The following MARCO variants were observed in gnomAD, a reference collection of about 807,000 sequenced individuals.
The protein encoded by MARCO is macrophage receptor MARCO.
MARCO carries 72 observed loss-of-function variants against 70.0 expected under a neutral mutation model. The ratio of observed to expected loss-of-function variants is 1.03; its 90% CI spans 0.85 to 1.25. The LOEUF is 1.25. Among genes scored for constraint, MARCO ranks in the 50% most tolerant of loss-of-function variants. The pLI, the probability that MARCO is intolerant of heterozygous loss-of-function variation, is 0.00. For missense variants in MARCO, 696 were observed against 659.3 expected (o/e 1.06, Z -0.61); for synonymous variants, 273 against 243.1 (o/e 1.12, Z -1.14).
chr2:118,942,521 C>A (rs1242068052), intron 1 of MARCO, 124 bp downstream of exon 1: 3 of 687,376 alleles, frequency 4.4e-6, no homozygotes, highest in East Asian at 2.8e-5. Flanking sequence ...TGCACGTAAT[C>A]ATCACTAATA....
rs766867777 is a variant in MARCO at position 118,974,430 on chromosome 2, T to G, written c.558T>G (p.Asp186Glu). 6.2e-7 allele frequency: 1 copy of G among 1,612,954 alleles called. No homozygotes were observed. Among genetic ancestry groups the G allele is most frequent in the Non-Finnish European group, 8.5e-7 (1 of 1,179,610 alleles). ...EKGAKGAMGR[D>E]GATGPSGPQG... is the part of the protein sequence containing the mutation. ...GAGCCAAGGGGGCTATGGGACGAGATGGAGCAACAGGTACGGGTCTTTTTC... is the reference window on the plus strand; with the variant it reads ...GAGCCAAGGGGGCTATGGGACGAGAGGGAGCAACAGGTACGGGTCTTTTTC... Residue 186 changes from aspartate to glutamate, a missense_variant, in exon 5 of 17, where the codon GAT becomes GAG. Physicochemically the swap from Asp to Glu is conservative, Grantham distance 45. Transcript: ENST00000327097.
At chr2:118,957,940 A>C (rs1357221908) in intron 1 of MARCO, among the ~76,000 whole-genome samples, 1 of 152,152 alleles carries the variant, frequency 6.6e-6, no homozygotes, top group Non-Finnish European at 1.5e-5. Flanking sequence ...GCATTCAATA[A>C]AATCCAGCAT....
In MARCO at chr2:118,994,528, AC is replaced by A. The variant is rs1190102237; in HGVS notation, c.*11del. ...GTGGAGTGCAGCGTCTGACCCGGAAACCCTTTCACTTCTCTGCTCCCGAGGT... is the reference window on the plus strand; with the variant it reads ...GTGGAGTGCAGCGTCTGACCCGGAAACCTTTCACTTCTCTGCTCCCGAGGT... On this transcript the variant is annotated 3_prime_UTR_variant, in exon 17 of 17. Coordinates refer to ENST00000327097, the MANE Select transcript of MARCO (RefSeq NM_006770.4). The A allele has an allele frequency of 4.5e-6, 7 of 1,569,810 alleles. No homozygotes were observed. The highest frequency in any genetic ancestry group is 5.2e-6 in the Non-Finnish European group (6 of 1,158,508).
At position 118,990,628 on chromosome 2, in the gene MARCO, T is replaced by A; in HGVS notation, c.1103T>A (p.Val368Asp). The A allele has an allele frequency of 1.3e-6, 2 of 1,515,914 alleles. No individual in the cohort carries two copies. The highest frequency in any genetic ancestry group is 1.8e-6 in the Non-Finnish European group (2 of 1,119,498). 93.9% of individuals were successfully genotyped at this position (1,515,914 alleles called of 1,614,324 possible). A position where few individuals can be genotyped will look rare whatever the true frequency, so the allele number is the denominator to read the frequency against. The change falls in exon 13 of 17, where the codon GTT becomes GAT. Residue 368 changes from valine (V) to aspartate (D), a missense_variant. Around this residue, in one of 3 missense-constraint regions of MARCO, gnomAD observed 605 missense variants for 537.6 expected, o/e 1.13. Transcript: ENST00000327097. Reference sequence around the variant, plus strand: ...CAAGGAAGAAAAGGAGAATCAGGAGTTCCAGGTAAAGGGCAGGCTGCATCT... The same window carrying A: ...CAAGGAAGAAAAGGAGAATCAGGAGATCCAGGTAAAGGGCAGGCTGCATCT... ...GQQGRKGESGVPGPAGVKGEQ... is the reference protein window; with the variant it reads ...GQQGRKGESGDPGPAGVKGEQ...
chr2:118,977,695 G>A lies in MARCO; in HGVS notation c.659-133G>A. Reference sequence around the variant, plus strand: ...TTCTTCAAGACCACCCAAGAAATGAGCTAGCACATCCCCCAGAGGAAATCT... The same window carrying A: ...TTCTTCAAGACCACCCAAGAAATGAACTAGCACATCCCCCAGAGGAAATCT... On this transcript the variant is annotated intron_variant, in intron 7 of 16. Transcript: ENST00000327097. The A allele has an allele frequency of 4.9e-6, 4 of 819,356 alleles. No individual in the cohort carries two copies. In the South Asian group the frequency reaches 6.9e-5, roughly 14 times the overall value. The allele number at this position is 819,356 out of a possible 1,614,324, so 50.8% of individuals were successfully genotyped here.
Position 118,970,131 on chromosome 2 carries a change from C to T in MARCO, c.217C>T (p.Arg73Trp), listed in dbSNP as rs377491060. ...LVVQVLNLQA[R>W]LRVLEMYFLN... Reference sequence around the variant, plus strand: ...GGGCCCAGTTCTGAATCTGCAGGCGCGGCTCCGGGTCCTGGAGATGTATTT... The same window carrying T: ...GGGCCCAGTTCTGAATCTGCAGGCGTGGCTCCGGGTCCTGGAGATGTATTT... Residue 73 changes from arginine to tryptophan, a missense_variant, in exon 3 of 17, where the codon CGG (arginine) becomes TGG (tryptophan). Physicochemically the swap from Arg to Trp is moderately radical, Grantham distance 101 (BLOSUM62 -3). Around this residue, in one of 3 missense-constraint regions of MARCO, gnomAD observed 605 missense variants for 537.6 expected, o/e 1.13. Coordinates refer to ENST00000327097, the MANE Select transcript of MARCO (RefSeq NM_006770.4). 59 of 1,613,866 alleles carry T rather than the reference C, an allele frequency of 3.7e-5. 1 individual carries two copies. Among genetic ancestry groups the T allele is most frequent in the Middle Eastern group, 1.7e-4 (1 of 6,026 alleles).
chr2:118,981,052 C>G (rs1680378587), intron 8 of MARCO, among the ~76,000 whole-genome samples: 1 of 152,164 alleles, frequency 6.6e-6, no homozygotes, highest in Non-Finnish European at 1.5e-5. Flanking sequence ...TTTCGGAATA[C>G]TCAGGTTTCA....
chr2:118,982,480 T>A, intron 12 of MARCO, 70 bp downstream of exon 12: 1 of 1,443,126 alleles, frequency 6.9e-7, no homozygotes, highest in Non-Finnish European at 9.8e-7. Flanking sequence ...GAAAAACTGC[T>A]TCTTCTTAGG....
At chr2:118,989,647 G>GGGGCA (rs1231820475) in intron 12 of MARCO, among the ~76,000 whole-genome samples, 11 of 152,194 alleles carry the variant, frequency 7.2e-5, no homozygotes, top group Non-Finnish European at 1.5e-4. Context: ...AGTGAGAGGT[G>GGGGCA]GGGCAGGGCA....
intron 1 of MARCO, among the ~76,000 whole-genome samples, chr2:118,957,723 C>T (rs911160466): frequency 6.6e-6 from 1 of 152,008 alleles, no homozygotes; most frequent in East Asian, 1.9e-4. Flanking sequence ...AACTACAGAC[C>T]AGTATCCTTG....
chr2:118,985,250 T>C (rs1193671185), intron 12 of MARCO, among the ~76,000 whole-genome samples: 2 of 152,154 alleles, frequency 1.3e-5, no homozygotes, highest in Admixed American at 1.3e-4. Flanking sequence ...CAGAATCGGT[T>C]TTATGGAAGA....
intron 13 of MARCO, among the ~76,000 whole-genome samples, chr2:118,991,255 T>G (rs1573411566): frequency 3.3e-5 from 5 of 149,946 alleles, no homozygotes; most frequent in South Asian, 4.2e-4. Flanking sequence ...GTTTTATGGT[T>G]TTTTTTTTTT....
intron 12 of MARCO, among the ~76,000 whole-genome samples, chr2:118,984,875 T>A (rs560808506): frequency 6.6e-6 from 1 of 152,342 alleles, no homozygotes; most frequent in Admixed American, 6.5e-5. Flanking sequence ...AAGCCAGGTT[T>A]CCAAACTGAT....
intron 1 of MARCO, among the ~76,000 whole-genome samples, chr2:118,947,181 A>G (rs542779990): frequency 1.4e-3 from 207 of 152,320 alleles, no homozygotes; most frequent in African/African-American, 4.7e-3. Flanking sequence ...GGTCCAACCT[A>G]ACAATTTTTC....
chr2:118,951,232 C>T (rs1241788844), intron 1 of MARCO, among the ~76,000 whole-genome samples: 2 of 152,178 alleles, frequency 1.3e-5, no homozygotes, highest in African/African-American at 2.4e-5. Flanking sequence ...AAGGAGGAAC[C>T]GTCAATCATC....
rs182842982 is a variant in MARCO at position 118,979,157 on chromosome 2, G to A, written c.766+1222G>A. Among the ~76,000 whole-genome samples, 13 of 152,318 alleles carry A rather than the reference G, an allele frequency of 8.5e-5. No homozygotes were observed. In the East Asian group the frequency reaches 2.5e-3, roughly 29 times the overall value. ...GCCCTCAAGAAGACAGCCCTTAGTAGGGATGTGTCAGCCATCCTCAAATAT... is the reference window on the plus strand; with the variant it reads ...GCCCTCAAGAAGACAGCCCTTAGTAAGGATGTGTCAGCCATCCTCAAATAT... On this transcript the variant is annotated intron_variant, in intron 8 of 16. Coordinates refer to ENST00000327097, the MANE Select transcript of MARCO (RefSeq NM_006770.4).
At chr2:118,952,030 C>T (rs1028628502) in intron 1 of MARCO, among the ~76,000 whole-genome samples, 2 of 152,176 alleles carry the variant, frequency 1.3e-5, no homozygotes, top group African/African-American at 4.8e-5. Flanking sequence ...GCTGCTCTCC[C>T]TTCTCCTTCC....
At chr2:118,992,152 A>T (rs745335253) in intron 14 of MARCO, among the ~76,000 whole-genome samples, 9 of 152,300 alleles carry the variant, frequency 5.9e-5, no homozygotes, top group Admixed American at 4.6e-4. Flanking sequence ...GGCAGTTTCC[A>T]TGAAGGAGAT....
At chr2:118,991,404 G>A (rs1482438033) in intron 13 of MARCO, among the ~76,000 whole-genome samples, 3 of 152,156 alleles carry the variant, frequency 2.0e-5, no homozygotes, top group Admixed American at 1.3e-4. Context: ...TGGGATTACA[G>A]GAGTAAGCCA....
Sources: gnomAD v4.1 joint callset for allele counts (sites outside exome capture counted in the v4.1 genomes callset) on GRCh38, gnomAD v4.1.1 for gene constraint, gnomAD v4.1.1 regional missense constraint, MANE v1.5 for transcripts, NCBI Gene and HGNC (gene_info 2026-07-23, HGNC 2026-07-21) for gene names.